CLEC16A: variants seen among roughly 807,000 people sequenced by gnomAD.
CLEC16A encodes the protein protein CLEC16A.
A neutral mutation model predicts 109.5 loss-of-function variants in CLEC16A; 51 were observed. The ratio of observed to expected loss-of-function variants is 0.47; its 90% CI spans 0.37 to 0.59. CLEC16A has a LOEUF of 0.59. Among genes scored for constraint, CLEC16A ranks in the 20% least tolerant of loss-of-function variants. The pLI, the probability that CLEC16A is intolerant of heterozygous loss-of-function variation, is 0.00. For missense variants in CLEC16A, 1,339 were observed against 1,394.0 expected (o/e 0.96, Z 0.63); for synonymous variants, 673 against 564.2 (o/e 1.19, Z -2.73).
intron 13 of CLEC16A, among the ~76,000 whole-genome samples, chr16:11,039,226 C>T (rs2047187062): frequency 6.6e-6 from 1 of 152,152 alleles, no homozygotes; most frequent in South Asian, 2.1e-4. Flanking sequence ...CTATTAAGTA[C>T]CTGCCAACCT....
At chr16:11,040,003 C>G in intron 14 of CLEC16A, 127 bp downstream of exon 14, 1 of 1,176,018 alleles carries the variant, frequency 8.5e-7, no homozygotes, top group Non-Finnish European at 1.2e-6. Context: ...CAACCTCTCC[C>G]TCTGCCTCTC....
At chr16:11,101,927 C>G (rs531971399) in intron 19 of CLEC16A, among the ~76,000 whole-genome samples, 11 of 151,434 alleles carry the variant, frequency 7.3e-5, no homozygotes, top group Admixed American at 2.0e-4. Flanking sequence ...CTCAGCCCCC[C>G]GAGTAGCTGG....
At chr16:10,985,599 G>A (rs1044101254) in intron 10 of CLEC16A, among the ~76,000 whole-genome samples, 1 of 151,856 alleles carries the variant, frequency 6.6e-6, no homozygotes, top group African/African-American at 2.4e-5. Flanking sequence ...AGCTGCCGTG[G>A]CTTCATCTCA....
chr16:11,126,434 C>T lies in CLEC16A; in HGVS notation c.2641+288C>T, dbSNP rs999521826. 1.5e-5 allele frequency: 20 copies of T among 1,371,816 alleles called. No homozygotes were observed. In the African/African-American group the frequency reaches 2.9e-4, roughly 20 times the overall value. 85.0% of individuals were successfully genotyped at this position (1,371,816 alleles called of 1,614,324 possible). On this transcript the variant is annotated intron_variant, in intron 22 of 23. Transcript: ENST00000409790. The stretch of plus-strand genomic sequence containing the variant: ...AATTTTCTTGGAAATTTCTTGGAAA[C>T]ATTTAAATGATTAGTGCTGAAGTTG...
At chr16:11,020,382 G>A in intron 12 of CLEC16A, 57 bp downstream of exon 12, 1 of 1,526,328 alleles carries the variant, frequency 6.6e-7, no homozygotes. Flanking sequence ...AGAGGGCTCA[G>A]TGGGGAGGTT....
intron 21 of CLEC16A, among the ~76,000 whole-genome samples, chr16:11,125,056 T>G (rs2052705957): frequency 6.6e-6 from 1 of 152,102 alleles, no homozygotes; most frequent in East Asian, 1.9e-4. Flanking sequence ...ACCACTGCAC[T>G]CCATCTTAGG....
intron 19 of CLEC16A, among the ~76,000 whole-genome samples, chr16:11,078,979 C>G (rs1431164934): frequency 6.6e-6 from 1 of 152,192 alleles, no homozygotes; most frequent in East Asian, 1.9e-4. Flanking sequence ...AGACAAATCA[C>G]TTGCCCTCTC....
chr16:11,033,177 G>C (rs1443349254), intron 13 of CLEC16A, among the ~76,000 whole-genome samples: 1 of 152,150 alleles, frequency 6.6e-6, no homozygotes, highest in Admixed American at 6.5e-5. Flanking sequence ...CGAGTGAAAG[G>C]GACGAGTCAG....
chr16:11,017,999 TA>T (rs34526192), intron 11 of CLEC16A, among the ~76,000 whole-genome samples: 16,846 of 138,636 alleles, frequency 0.12, 940 homozygotes, highest in African/African-American at 0.15. Context: ...AAAGAGGTAT[TA>T]AAAAAAAAAA....
At chr16:11,105,440 G>A (rs552094843) in intron 19 of CLEC16A, among the ~76,000 whole-genome samples, 2 of 152,276 alleles carry the variant, frequency 1.3e-5, no homozygotes, top group South Asian at 4.2e-4. Flanking sequence ...TGGACACATG[G>A]GAACAAGGAG....
intron 10 of CLEC16A, among the ~76,000 whole-genome samples, chr16:10,993,368 G>A (rs2044146594): frequency 6.6e-6 from 1 of 152,170 alleles, no homozygotes; most frequent in Non-Finnish European, 1.5e-5. Context: ...AATAGAGTGA[G>A]ACTGTCTAAA....
In CLEC16A at chr16:11,178,893, G is replaced by A. The variant is rs139503231; in HGVS notation, c.*203G>A. ...TTTTTCACTTTGCATCTCTTCACGT[G>A]CAGGCTGGGACCAGCGGAGACACCG... On this transcript the variant is annotated 3_prime_UTR_variant, in exon 24 of 24. Coordinates refer to ENST00000409790, the MANE Select transcript of CLEC16A (RefSeq NM_015226.3). The surrounding 1 kb of genome is among the most constrained non-coding windows in gnomAD (Gnocchi z 6.5). The A allele has an allele frequency of 5.6e-6, 3 of 534,848 alleles. No homozygotes were observed. Among genetic ancestry groups the A allele is most frequent in the East Asian group, 3.1e-5 (1 of 32,234 alleles). The allele number at this position is 534,848 out of a possible 1,614,324, so 33.1% of individuals were successfully genotyped here.
chr16:11,171,810 A>G (rs1394186815), intron 23 of CLEC16A, among the ~76,000 whole-genome samples: 3 of 152,230 alleles, frequency 2.0e-5, no homozygotes, highest in African/African-American at 7.2e-5. Flanking sequence ...ATGTTCATAC[A>G]GCCACACATA....
chr16:11,116,590 G>A (rs12935413), intron 19 of CLEC16A, among the ~76,000 whole-genome samples: 51,384 of 151,910 alleles, frequency 0.34, 8,781 homozygotes, highest in South Asian at 0.39. Context: ...TTACACTGTC[G>A]GAGGATTGAA....
At chr16:11,066,124 G>A (rs2152916951) in intron 19 of CLEC16A, among the ~76,000 whole-genome samples, 1 of 152,176 alleles carries the variant, frequency 6.6e-6, no homozygotes, top group South Asian at 2.1e-4. Flanking sequence ...TTACCTTAAG[G>A]GAACTGAGTC....
intron 22 of CLEC16A, among the ~76,000 whole-genome samples, chr16:11,138,957 G>A (rs1424448040): frequency 2.7e-5 from 4 of 149,286 alleles, no homozygotes; most frequent in Middle Eastern, 6.8e-3. Flanking sequence ...TAGCTACGCT[G>A]AGAAACTAAC....
Position 10,991,445 on chromosome 16 carries a change from AAAG to A in CLEC16A, c.1071+8457_1071+8459del, listed in dbSNP as rs1302265067. Among the ~76,000 whole-genome samples, 6 of 150,184 alleles carry A rather than the reference AAAG, an allele frequency of 4.0e-5. No homozygotes were observed. In the East Asian group the frequency reaches 9.6e-4, roughly 24 times the overall value. ...TCTCAAAAAAAAAAAAAAAAAAAAA[AAAG>A]AACAGCCAGTGCAAAGGCCCTGCGG... On this transcript the variant is annotated intron_variant, in intron 10 of 23. Coordinates refer to ENST00000409790, the MANE Select transcript of CLEC16A (RefSeq NM_015226.3).
At chr16:11,148,821 C>T (rs965693561) in intron 22 of CLEC16A, among the ~76,000 whole-genome samples, 2 of 152,216 alleles carry the variant, frequency 1.3e-5, no homozygotes, top group Admixed American at 1.3e-4. Context: ...CACCAGAATG[C>T]TCTCCCTCCT....
At chr16:10,980,178 C>T (rs991586613) in intron 9 of CLEC16A, among the ~76,000 whole-genome samples, 4 of 152,144 alleles carry the variant, frequency 2.6e-5, no homozygotes, top group African/African-American at 4.8e-5. Flanking sequence ...GAATTTGGGG[C>T]GGGGCTTTGT....
Sources: gnomAD v4.1 joint callset for allele counts (sites outside exome capture counted in the v4.1 genomes callset) on GRCh38, gnomAD v4.1.1 for gene constraint, Gnocchi (gnomAD v3.1) non-coding constraint, MANE v1.5 for transcripts, NCBI Gene and HGNC (gene_info 2026-07-23, HGNC 2026-07-21) for gene names.